Variants in HOMER2 observed in about 807,000 individuals in gnomAD.
HOMER2 encodes homer scaffold protein 2.
A neutral mutation model predicts 47.0 loss-of-function variants in HOMER2; 27 were observed. The observed-to-expected ratio is 0.57, with a 90% confidence interval of 0.42 to 0.79. HOMER2 has a LOEUF of 0.79. HOMER2 is among the 30% of genes least tolerant of loss of function. The pLI, the probability that HOMER2 is intolerant of heterozygous loss-of-function variation, is 0.00. For missense variants in HOMER2, 443 were observed against 435.0 expected, an observed-to-expected ratio of 1.02 and a Z score of -0.16; for synonymous variants, 161 against 163.8, an observed-to-expected ratio of 0.98 and a Z score of 0.13.
chr15:82,916,722 G>C (rs1472082004), intron 1 of HOMER2, among the ~76,000 whole-genome samples: 1 of 152,174 alleles, frequency 6.6e-6, no homozygotes, highest in Non-Finnish European at 1.5e-5. Context: ...AGCTGGATGG[G>C]GACTTGGCAC....
At chr15:82,931,537 A>T (rs2054010362) in intron 1 of HOMER2, among the ~76,000 whole-genome samples, 1 of 128,018 alleles carries the variant, frequency 7.8e-6, no homozygotes, top group African/African-American at 2.9e-5. Flanking sequence ...TGCCTGCTTT[A>T]AAAAAAAAAA....
chr15:82,965,817 A>G (rs2151254193), intron 1 of HOMER2, among the ~76,000 whole-genome samples: 1 of 150,632 alleles, frequency 6.6e-6, no homozygotes, highest in East Asian at 2.0e-4. Context: ...TCATGGGGCC[A>G]GTTGTGGTAG....
At chr15:82,874,180 C>T (rs1343552960) in intron 3 of HOMER2, among the ~76,000 whole-genome samples, 2 of 152,194 alleles carry the variant, frequency 1.3e-5, no homozygotes, top group Non-Finnish European at 2.9e-5. Flanking sequence ...TGGGTCAGCA[C>T]TTGTCCAGCC....
At chr15:82,948,114 G>A (rs899569760) in intron 1 of HOMER2, among the ~76,000 whole-genome samples, 48 of 152,178 alleles carry the variant, frequency 3.2e-4, no homozygotes, top group African/African-American at 1.0e-3. Flanking sequence ...GGGTGTGGCC[G>A]GGCATGGTGG....
intron 1 of HOMER2, among the ~76,000 whole-genome samples, chr15:82,944,211 C>T (rs1287831515): frequency 1.3e-5 from 2 of 152,160 alleles, no homozygotes; most frequent in African/African-American, 4.8e-5. Flanking sequence ...GAGTCTTCAT[C>T]ATGCATTCAG....
At position 82,864,125 on chromosome 15, in the gene HOMER2, CA is replaced by C. The variant is rs3216752; in HGVS notation, c.387+41del. 1.1e-3 allele frequency: 1,458 copies of C among 1,332,324 alleles called. 23 individuals carry two copies. The East Asian group carries it at 0.029, about 26-fold the overall frequency. 82.5% of individuals were successfully genotyped at this position (1,332,324 alleles called of 1,614,324 possible). Reference sequence around the variant, plus strand: ...GTGACAAGGAACAAAGAGTCCCTATCACCAACCCCACTGGGATTTACTTCAT... The same window carrying C: ...GTGACAAGGAACAAAGAGTCCCTATCCCAACCCCACTGGGATTTACTTCAT... On this transcript the variant is annotated intron_variant, in intron 4 of 8. Coordinates refer to ENST00000450735, the MANE Select transcript of HOMER2 (RefSeq NM_004839.4).
intron 1 of HOMER2, among the ~76,000 whole-genome samples, chr15:82,978,955 G>A (rs936387317): frequency 6.6e-5 from 10 of 152,236 alleles, no homozygotes; most frequent in Non-Finnish European, 1.2e-4. Flanking sequence ...TCTTGACCTC[G>A]TGATCCACCC....
chr15:82,914,432 T>G (rs747713038), intron 1 of HOMER2, among the ~76,000 whole-genome samples: 8 of 149,058 alleles, frequency 5.4e-5, no homozygotes, highest in Non-Finnish European at 1.0e-4. Flanking sequence ...ATGGATGAAC[T>G]TTGGAAATAT....
intron 1 of HOMER2, among the ~76,000 whole-genome samples, chr15:82,973,876 G>C (rs1240476277): frequency 6.6e-6 from 1 of 151,758 alleles, no homozygotes; most frequent in East Asian, 1.9e-4. Context: ...GACCAGCGTG[G>C]TCAACATGCT....
intron 1 of HOMER2, among the ~76,000 whole-genome samples, chr15:82,968,649 C>T (rs2054697996): frequency 6.6e-6 from 1 of 152,196 alleles, no homozygotes; most frequent in South Asian, 2.1e-4. Context: ...CACCCTATAA[C>T]AGAACAAAAA....
At chr15:82,876,502 T>C (rs1273077302) in intron 2 of HOMER2, among the ~76,000 whole-genome samples, 2 of 152,162 alleles carry the variant, frequency 1.3e-5, no homozygotes, top group African/African-American at 2.4e-5. Flanking sequence ...GCTTATTCAG[T>C]AGAAATCATT....
At chr15:82,903,535 T>C (rs2053194435) in intron 1 of HOMER2, among the ~76,000 whole-genome samples, 1 of 152,032 alleles carries the variant, frequency 6.6e-6, no homozygotes, top group South Asian at 2.1e-4. Context: ...GAGAATCGCT[T>C]GAACTCGGGA....
At chr15:82,837,535 C>T (rs973057288) in exon 2 of HOMER2, 9 of 152,192 alleles carry the variant, frequency 5.9e-5, no homozygotes, top group African/African-American at 1.7e-4. Flanking sequence ...GGGCTGGTGA[C>T]GCAGGAACAG....
At chr15:82,840,620 A>AT (rs1451335954) in exon 2 of HOMER2, 1 of 151,982 alleles carries the variant, frequency 6.6e-6, no homozygotes, top group Non-Finnish European at 1.5e-5. Context: ...TGCCTAGCTA[A>AT]TTTTTAGTAG....
At chr15:82,847,226 C>A (rs949281034), downstream of HOMER2, 1 of 152,212 alleles carries the variant, frequency 6.6e-6, no homozygotes, top group Non-Finnish European at 1.5e-5. Flanking sequence ...AAGGGAACAC[C>A]GTCCAGGTTG....
At chr15:82,891,896 G>C (rs770806191) in intron 2 of HOMER2, among the ~76,000 whole-genome samples, 3 of 152,050 alleles carry the variant, frequency 2.0e-5, no homozygotes, top group African/African-American at 7.2e-5. Context: ...GGGGAATTCA[G>C]CTTTAGATAC....
In HOMER2 at chr15:82,959,859, G is replaced by A. The variant is rs151125952; in HGVS notation, n.83-551C>T. ...GGGCTTGTATGAGATTTAGGGTTCC[G>A]GAGAAGAACGAAGAAATCCAAAGAA... On this transcript the variant is annotated intron_variant and non_coding_transcript_variant, in intron 1 of 1. Coordinates refer to the HOMER2 transcript ENST00000500334. 3.9e-5 allele frequency among the ~76,000 whole-genome samples: 6 copies of A among 152,318 alleles called. 1 individual carries two copies. The East Asian group carries it at 7.7e-4, about 20-fold the overall frequency.
intron 1 of HOMER2, among the ~76,000 whole-genome samples, chr15:82,935,337 T>C (rs1401310198): frequency 6.6e-6 from 1 of 152,036 alleles, no homozygotes; most frequent in East Asian, 1.9e-4. Context: ...ACTTCTCCAC[T>C]GGCCACCCTG....
At chr15:82,871,874 A>G (rs1251524223) in intron 3 of HOMER2, among the ~76,000 whole-genome samples, 2 of 152,196 alleles carry the variant, frequency 1.3e-5, no homozygotes, top group Non-Finnish European at 2.9e-5. Context: ...GATTCTTTTC[A>G]TAGAAACCTT....
Sources: allele counts gnomAD v4.1 joint callset (sites outside exome capture counted in the v4.1 genomes callset), GRCh38; gene constraint gnomAD v4.1.1; transcripts MANE v1.5; gene names NCBI Gene and HGNC (gene_info 2026-07-23, HGNC 2026-07-21).